ZNF469: variants seen among roughly 807,000 people sequenced by gnomAD.
ZNF469 encodes the protein zinc finger protein 469.
Under a neutral mutation model 1.0 loss-of-function variants are expected in ZNF469, and 1 was observed. The ratio of observed to expected loss-of-function variants is 1.00; its 90% CI spans 0.35 to 4.73. The LOEUF (loss-of-function observed/expected upper bound fraction) is 4.73, where lower values mean the gene tolerates loss of function less well. Ranked by LOEUF, ZNF469 falls within the 30% of genes most tolerant of loss-of-function variation. The pLI is 0.16. For synonymous variants in ZNF469, 2,703 were observed against 2,363.4 expected, an observed-to-expected ratio of 1.14 and a Z score of -4.17; for missense variants, 6,100 against 5,356.3, an observed-to-expected ratio of 1.14 and a Z score of -4.33.
At chr16:88,251,574 T>TTTTTTTTTTG in the ZNF469 span, among the ~76,000 whole-genome samples, 1 of 104,870 alleles carries the variant, frequency 9.5e-6, no homozygotes, top group Non-Finnish European at 2.0e-5. Flanking sequence ...TTTTTTTTTT[T>TTTTTTTTTTG]TTGAGATGGA....
the ZNF469 span, among the ~76,000 whole-genome samples, chr16:88,196,338 G>A: frequency 1.2e-4 from 18 of 152,176 alleles, no homozygotes; most frequent in South Asian, 6.2e-4. Flanking sequence ...TCTGAATGAC[G>A]TCTATGATTC....
At chr16:88,257,115 ATTTTT>A in the ZNF469 span, among the ~76,000 whole-genome samples, 30,081 of 116,220 alleles carry the variant, frequency 0.26, 4,190 homozygotes, top group Middle Eastern at 0.44. Context: ...TACCCCACTA[ATTTTT>A]TTTTTTTTTT....
chr16:88,390,717 G>A (rs758586429), intron 1 of ZNF469, among the ~76,000 whole-genome samples: 7 of 152,224 alleles, frequency 4.6e-5, no homozygotes, highest in Non-Finnish European at 1.0e-4. Context: ...ACAGGCCAGT[G>A]TGTGAGGATC....
Position 88,428,091 on chromosome 16 carries a change from C to A in ZNF469, c.621C>A (p.Ala207=). 6.5e-7 allele frequency: 1 copy of A among 1,550,024 alleles called. No homozygotes were observed. Among genetic ancestry groups the A allele is most frequent in the Non-Finnish European group, 8.7e-7 (1 of 1,146,892 alleles). Residue 207 remains alanine, a synonymous_variant, in exon 3 of 3, where the codon GCC becomes GCA. Transcript: ENST00000565624. The part of the protein sequence containing the change: ...TSPSATPRPP[A]PGPPQSRGTS... ...CAAGCGCCACCCCCAGGCCCCCAGC[C>A]CCGGGGCCCCCCCAGAGCAGGGGCA...
the ZNF469 span, among the ~76,000 whole-genome samples, chr16:88,284,067 C>G: frequency 2.0e-5 from 1 of 50,046 alleles, no homozygotes; most frequent in African/African-American, 6.3e-5. Context: ...GGTAGACCCC[C>G]AGTGTGCCCG....
the ZNF469 span, among the ~76,000 whole-genome samples, chr16:88,193,273 ATGG>A: frequency 3.4e-3 from 323 of 93,788 alleles, 1 homozygote; most frequent in Middle Eastern, 0.014. Flanking sequence ...GGTAGTGGTG[ATGG>A]TGGTGGTGGA....
rs1354179339 is a variant in ZNF469, at chr16:88,432,622, C to G, written c.5152C>G (p.Gln1718Glu). ...GGCAGAAGGAGACAGCAGGCCCCCC[C>G]AAGATGTCTGCCTGCCTGAGCCCAG... The part of the protein sequence containing the change: ...CQAEGDSRPP[Q>E]DVCLPEPSKQ... Residue 1718 changes from glutamine to glutamate, a missense_variant, in exon 3 of 3, where the codon CAA becomes GAA. Coordinates refer to ENST00000565624, the MANE Select transcript of ZNF469 (RefSeq NM_001367624.2). 2 of 1,550,312 alleles carry G rather than the reference C, an allele frequency of 1.3e-6. No individual in the cohort carries two copies. The highest frequency in any genetic ancestry group is 2.7e-5 in the African/African-American group (2 of 73,062).
chr16:88,316,605 G>A, the ZNF469 span, among the ~76,000 whole-genome samples: 1 of 148,254 alleles, frequency 6.7e-6, no homozygotes, highest in East Asian at 2.0e-4. Flanking sequence ...GGAGTGCAGT[G>A]ACACGATCTT....
At position 88,438,000 on chromosome 16, in the gene ZNF469, C is replaced by T. The variant is rs1906722041; in HGVS notation, c.10530C>T (p.His3510=). Residue 3510 remains histidine, a synonymous_variant, in exon 3 of 3, where the codon CAC becomes CAT. Transcript: ENST00000565624. ...AGGGCTCTCTCCCGGCCCTGCTCCA[C>T]CTGTGTTCGGAGGTGGCTCCCAGCA... The part of the protein sequence containing the change: ...LSEGSLPALL[H]LCSEVAPSTT... 2 of 1,549,270 alleles carry T rather than the reference C, an allele frequency of 1.3e-6. No individual in the cohort carries two copies. The highest frequency in any genetic ancestry group is 2.7e-5 in the African/African-American group (2 of 73,050).
intron 1 of ZNF469, among the ~76,000 whole-genome samples, chr16:88,383,792 G>A (rs1006709212): frequency 6.6e-6 from 1 of 152,112 alleles, no homozygotes; most frequent in African/African-American, 2.4e-5. Context: ...CGCCCCGGAC[G>A]GGGGTGGGAG....
the ZNF469 span, among the ~76,000 whole-genome samples, chr16:88,155,853 A>G: frequency 2.0e-5 from 3 of 152,168 alleles, no homozygotes; most frequent in African/African-American, 4.8e-5. Flanking sequence ...AAGCTGCACC[A>G]TGACGTTCCC....
At chr16:88,147,795 C>T in the ZNF469 span, among the ~76,000 whole-genome samples, 4 of 152,278 alleles carry the variant, frequency 2.6e-5, no homozygotes, top group South Asian at 2.1e-4. Flanking sequence ...CCACAGCCCA[C>T]GTGCAGCTGA....
the ZNF469 span, among the ~76,000 whole-genome samples, chr16:88,227,305 G>A: frequency 6.6e-5 from 10 of 152,194 alleles, no homozygotes; most frequent in Middle Eastern, 3.2e-3. Context: ...GAGAGGAAGC[G>A]GGGAAGGGGG....
chr16:88,343,430 C>T, the ZNF469 span, among the ~76,000 whole-genome samples: 222 of 152,302 alleles, frequency 1.5e-3, no homozygotes, highest in Non-Finnish European at 2.5e-3. Context: ...AGCCGCCCGC[C>T]CACATGCAGC....
chr16:88,370,229 A>G, the ZNF469 span, among the ~76,000 whole-genome samples: 1 of 152,198 alleles, frequency 6.6e-6, no homozygotes, highest in East Asian at 1.9e-4. Flanking sequence ...TCCAGCATCA[A>G]TAAGAACAAG....
the ZNF469 span, among the ~76,000 whole-genome samples, chr16:88,155,195 C>T: frequency 3.3e-5 from 5 of 152,192 alleles, no homozygotes; most frequent in African/African-American, 4.8e-5. Flanking sequence ...GGCCATGGAG[C>T]GCAGCTGCAA....
At chr16:88,115,057 G>A in the ZNF469 span, among the ~76,000 whole-genome samples, 4 of 152,178 alleles carry the variant, frequency 2.6e-5, no homozygotes, top group Non-Finnish European at 5.9e-5. Flanking sequence ...GGCAGTGAAC[G>A]GTGGCTCCGC....
chr16:88,136,039 G>A, the ZNF469 span, among the ~76,000 whole-genome samples: 13 of 152,196 alleles, frequency 8.5e-5, no homozygotes, highest in East Asian at 2.5e-3. Flanking sequence ...GATTACAGGC[G>A]TGAGCCACCG....
chr16:88,213,755 A>G, the ZNF469 span, among the ~76,000 whole-genome samples: 3 of 151,818 alleles, frequency 2.0e-5, no homozygotes, highest in East Asian at 5.8e-4. Context: ...GTATTTCCAC[A>G]CTTACTGTGG....
Sources: gnomAD v4.1 joint callset for allele counts (sites outside exome capture counted in the v4.1 genomes callset) on GRCh38, gnomAD v4.1.1 for gene constraint, MANE v1.5 for transcripts, NCBI Gene and HGNC (gene_info 2026-07-23, HGNC 2026-07-21) for gene names.